The following SUMF1 variants were observed in gnomAD, a reference collection of about 807,000 sequenced individuals.
The protein encoded by SUMF1 is formylglycine-generating enzyme.
In SUMF1, 48 loss-of-function variants were observed where a neutral mutation model predicts 47.6. The observed-to-expected ratio is 1.01, with a 90% confidence interval of 0.80 to 1.28. The LOEUF (loss-of-function observed/expected upper bound fraction) is 1.28. SUMF1 is among the 50% of genes most tolerant of loss of function. The pLI is 0.00. For missense variants in SUMF1, 571 were observed against 485.4 expected, an observed-to-expected ratio of 1.18 and a Z score of -1.66; for synonymous variants, 230 against 192.1, an observed-to-expected ratio of 1.20 and a Z score of -1.63.
chr3:4,456,650 A>ATG (rs763212693), intron 1 of SUMF1, among the ~76,000 whole-genome samples: 7 of 119,122 alleles, frequency 5.9e-5, no homozygotes, highest in African/African-American at 1.5e-4. Flanking sequence ...ATATATATAT[A>ATG]TGTGTGTGTA....
intron 8 of SUMF1, among the ~76,000 whole-genome samples, chr3:4,323,848 CAGAT>C (rs1342322830): frequency 6.6e-6 from 1 of 152,120 alleles, no homozygotes; most frequent in African/African-American, 2.4e-5. Context: ...AGTGCTCAGT[CAGAT>C]AGATAAGAGA....
At chr3:4,407,065 TC>T (rs1701398626) in intron 7 of SUMF1, among the ~76,000 whole-genome samples, 1 of 145,358 alleles carries the variant, frequency 6.9e-6, no homozygotes, top group African/African-American at 2.6e-5. Context: ...ATGTGGCACC[TC>T]CACAGGACAC....
intron 8 of SUMF1, among the ~76,000 whole-genome samples, chr3:4,354,623 C>CTT (rs1559239695): frequency 6.6e-6 from 1 of 152,088 alleles, no homozygotes; most frequent in African/African-American, 2.4e-5. Context: ...ATCATGCCAG[C>CTT]TTTTTTCTTT....
chr3:4,213,544 C>T (rs2440478), intron 8 of SUMF1, among the ~76,000 whole-genome samples: 90,089 of 151,958 alleles, frequency 0.59, 26,884 homozygotes, highest in South Asian at 0.68. Context: ...AATGGTAAGA[C>T]CAAATTCACA....
At chr3:4,351,702 G>A (rs966803685) in intron 8 of SUMF1, among the ~76,000 whole-genome samples, 4 of 152,116 alleles carry the variant, frequency 2.6e-5, no homozygotes, top group Non-Finnish European at 1.5e-5. Flanking sequence ...GGTGGGGAGG[G>A]AGGTGTGATG....
chr3:4,454,265 T>G (rs1347053855), intron 1 of SUMF1, among the ~76,000 whole-genome samples: 2 of 152,216 alleles, frequency 1.3e-5, no homozygotes, highest in African/African-American at 2.4e-5. Context: ...TTCACAGCTC[T>G]ATTCCCAACA....
intron 7 of SUMF1, among the ~76,000 whole-genome samples, chr3:4,377,005 TG>T (rs1180478820): frequency 6.6e-6 from 1 of 152,048 alleles, no homozygotes; most frequent in Non-Finnish European, 1.5e-5. Flanking sequence ...CTCGCTATAT[TG>T]CCCAGGCTGG....
intron 3 of SUMF1, among the ~76,000 whole-genome samples, chr3:4,441,029 C>A (rs1371041040): frequency 6.6e-6 from 1 of 152,056 alleles, no homozygotes; most frequent in Non-Finnish European, 1.5e-5. Flanking sequence ...GGTCCCCAAC[C>A]CCTGGACCAC....
chr3:4,072,731 T>A (rs2125038064), intron 8 of SUMF1, among the ~76,000 whole-genome samples: 1 of 151,938 alleles, frequency 6.6e-6, no homozygotes, highest in East Asian at 1.9e-4. Context: ...ACAAAGGATA[T>A]CAGTGATTGA....
In SUMF1 at chr3:4,169,725, T is replaced by C. The variant is rs147396904; in HGVS notation, c.1015-100980A>G. ...GTGATTTAAAAGCTCCTGTAGCATA[T>C]GGCCATCATGTAGGGCTTGTGCAAA... On this transcript the variant is annotated intron_variant and NMD_transcript_variant, in intron 8 of 12. Transcript: ENST00000448413. Among the ~76,000 whole-genome samples the C allele has an allele frequency of 2.5e-3, 382 of 152,326 alleles. 1 individual carries two copies. The highest frequency in any genetic ancestry group is 8.6e-3 in the African/African-American group (356 of 41,578).
chr3:4,356,347 A>C (rs76686180), downstream of SUMF1, among the ~76,000 whole-genome samples: 3,020 of 152,292 alleles, frequency 0.02, 100 homozygotes, highest in African/African-American at 0.069. Context: ...ATAAGTGCTC[A>C]AGTTAATGAA....
At chr3:4,276,247 C>T (rs1286773312) in intron 8 of SUMF1, among the ~76,000 whole-genome samples, 1 of 152,120 alleles carries the variant, frequency 6.6e-6, no homozygotes, top group African/African-American at 2.4e-5. Context: ...ATATTTATTG[C>T]ATTTCCTAAA....
chr3:4,418,766 T>C (rs1010552080), intron 4 of SUMF1, among the ~76,000 whole-genome samples: 1 of 152,208 alleles, frequency 6.6e-6, no homozygotes, highest in African/African-American at 2.4e-5. Context: ...TGGCTTTCAA[T>C]TCTGTGTCTT....
intron 8 of SUMF1, among the ~76,000 whole-genome samples, chr3:4,217,874 T>C (rs1204025529): frequency 5.4e-5 from 5 of 93,324 alleles, no homozygotes; most frequent in African/African-American, 9.1e-5. Flanking sequence ...GAAACAGGAC[T>C]TCATATGGTC....
At chr3:4,261,683 G>T (rs1028677495) in intron 8 of SUMF1, among the ~76,000 whole-genome samples, 9 of 152,186 alleles carry the variant, frequency 5.9e-5, no homozygotes, top group Non-Finnish European at 8.8e-5. Flanking sequence ...AGAGTCAGGA[G>T]CGTGAAGGAC....
At chr3:4,240,475 T>C (rs1696511689) in intron 8 of SUMF1, among the ~76,000 whole-genome samples, 1 of 150,908 alleles carries the variant, frequency 6.6e-6, no homozygotes, top group South Asian at 2.1e-4. Flanking sequence ...TTGAAACCTT[T>C]GGTACTATTT....
intron 8 of SUMF1, among the ~76,000 whole-genome samples, chr3:4,323,072 AT>A (rs772286896): frequency 1.3e-5 from 2 of 152,212 alleles, no homozygotes; most frequent in Non-Finnish European, 2.9e-5. Flanking sequence ...ACAAATATTC[AT>A]ATAACGTTAT....
intron 8 of SUMF1, among the ~76,000 whole-genome samples, chr3:4,082,708 T>G (rs1692587459): frequency 6.6e-6 from 1 of 151,998 alleles, no homozygotes; most frequent in Admixed American, 6.6e-5. Context: ...CAATATTACC[T>G]CTATGAACTA....
chr3:4,334,472 A>G (rs962421416), intron 8 of SUMF1, among the ~76,000 whole-genome samples: 1 of 152,244 alleles, frequency 6.6e-6, no homozygotes, highest in Non-Finnish European at 1.5e-5. Flanking sequence ...TTCACTATCC[A>G]TAAAGAGGGT....
Sources: gnomAD v4.1 joint callset for allele counts (sites outside exome capture counted in the v4.1 genomes callset) on GRCh38, gnomAD v4.1.1 for gene constraint, MANE v1.5 for transcripts, NCBI Gene and HGNC (gene_info 2026-07-23, HGNC 2026-07-21) for gene names.